PLTP: variants seen among roughly 807,000 people sequenced by gnomAD.
PLTP encodes the protein BPI fold containing family E.
In PLTP, 43 loss-of-function variants were observed where a neutral mutation model predicts 54.1. The observed-to-expected ratio is 0.79, with a 90% CI of 0.62 to 1.02. The LOEUF (loss-of-function observed/expected upper bound fraction) is 1.02. Among genes scored for constraint, PLTP ranks in the 50% least tolerant of loss-of-function variants. The pLI, the probability that PLTP is intolerant of heterozygous loss-of-function variation, is 0.00. For synonymous variants in PLTP, 263 were observed against 264.6 expected (o/e 0.99, Z 0.06); for missense variants, 604 against 645.9 (o/e 0.94, Z 0.70).
intron 2 of PLTP, 42 bp from the exon 3 acceptor site, chr20:45,911,293 T>G (rs755495973): frequency 3.1e-6 from 5 of 1,612,700 alleles, no homozygotes; most frequent in Admixed American, 1.7e-5. Flanking sequence ...CCGTGCCCAC[T>G]GTTGGGGCGA....
intron 5 of PLTP, among the ~76,000 whole-genome samples, chr20:45,908,667 T>C (rs953649026): frequency 6.6e-6 from 1 of 151,890 alleles, no homozygotes; most frequent in African/African-American, 2.4e-5. Flanking sequence ...TTGGGCATGG[T>C]GGTGCATGCC....
At chr20:45,910,956 C>T in intron 3 of PLTP, 196 bp downstream of exon 3, 1 of 1,459,682 alleles carries the variant, frequency 6.9e-7, no homozygotes, top group East Asian at 2.5e-5. Context: ...CCACGCCCAT[C>T]TGCCTGGTCC....
chr20:45,904,901 A>G (rs374414742), intron 9 of PLTP, 41 bp downstream of exon 9: 1 of 1,614,040 alleles, frequency 6.2e-7, no homozygotes, highest in African/African-American at 1.3e-5. Context: ...GCTCTGTCAC[A>G]GACCTTCTCT....
In PLTP at chr20:45,911,415, G is replaced by A. The variant is rs544323734; in HGVS notation, c.38C>T (p.Ala13Val). 19 of 1,608,014 alleles carry A rather than the reference G, an allele frequency of 1.2e-5. No individual in the cohort carries two copies. In the African/African-American group the frequency reaches 2.3e-4, roughly 19 times the overall value. Reference sequence around the variant, plus strand: ...GCCTGGGAACTCTGCATGTGCGCCTGCCAGCAGCGCTAGGAAGAGGGCCCC... The same window carrying A: ...GCCTGGGAACTCTGCATGTGCGCCTACCAGCAGCGCTAGGAAGAGGGCCCC... ...LFGALFLALLAGAHAEFPGCK... is the reference protein window; with the variant it reads ...LFGALFLALLVGAHAEFPGCK... The change falls in exon 2 of 16, where the codon GCA (alanine) becomes GTA (valine). Residue 13 changes from alanine (A) to valine (V), a missense_variant. Coordinates refer to ENST00000372431, the MANE Select transcript of PLTP (RefSeq NM_006227.4).
chr20:45,911,071 C>T, intron 3 of PLTP, 81 bp downstream of exon 3: 2 of 1,611,608 alleles, frequency 1.2e-6, no homozygotes, highest in East Asian at 2.2e-5. Context: ...CCTCCAGTCT[C>T]CCGAGACCCT....
intron 14 of PLTP, 34 bp from the exon 15 acceptor site, chr20:45,899,572 C>T (rs369406413): frequency 4.5e-5 from 72 of 1,613,930 alleles, no homozygotes; most frequent in Middle Eastern, 1.6e-4. Flanking sequence ...AGTCTGGGCC[C>T]GCCCAGTTCA....
rs748926235 is a variant in PLTP at position 45,899,024 on chromosome 20, C to T, written c.1399G>A (p.Gly467Arg). The change falls in exon 16 of 16, where the codon GGG (glycine) becomes AGG (arginine). Residue 467 changes from glycine to arginine, a missense_variant. Gly to Arg is a moderately radical substitution (Grantham distance 125). Coordinates refer to ENST00000372431, the MANE Select transcript of PLTP (RefSeq NM_006227.4). ...TIGADLHFAKGLREVIEKNRP... is the reference protein window; with the variant it reads ...TIGADLHFAKRLREVIEKNRP... ...TTCTTCTCAATCACCTCTCGCAGCC[C>T]TTTGGCAAAGTGGAGATCAGCCCCG... 1.2e-6 allele frequency: 2 copies of T among 1,614,164 alleles called. No homozygotes were observed. The highest frequency in any genetic ancestry group is 3.3e-5 in the Admixed American group (2 of 60,026).
intron 12 of PLTP, among the ~76,000 whole-genome samples, chr20:45,901,294 T>C (rs1357691097): frequency 6.6e-6 from 1 of 151,902 alleles, no homozygotes; most frequent in African/African-American, 2.4e-5. Flanking sequence ...ATGGAGAAAA[T>C]GAGGCCTAGA....
intron 8 of PLTP, 39 bp downstream of exon 8, chr20:45,906,229 T>C (rs1252413664): frequency 2.1e-6 from 3 of 1,397,878 alleles, no homozygotes; most frequent in East Asian, 2.3e-5. Context: ...GAGGTCTTGT[T>C]AGGAAGTCAG....
chr20:45,902,996 A>G (rs1218781378), intron 10 of PLTP, among the ~76,000 whole-genome samples: 1 of 147,622 alleles, frequency 6.8e-6, no homozygotes, highest in Non-Finnish European at 1.5e-5. Flanking sequence ...TCTGTCTCCC[A>G]GGTTCAGGCG....
At position 45,898,972 on chromosome 20, in the gene PLTP, G is replaced by A. The variant is rs759511693; in HGVS notation, c.1451C>T (p.Thr484Ile). 4.3e-6 allele frequency: 7 copies of A among 1,614,140 alleles called. No homozygotes were observed. The East Asian group carries it at 1.1e-4, about 26-fold the overall frequency. ...AGCTGCTGTGGACGGTGTGGGGGCA[G>A]TGGACGCCCTGACATCAGCAGGCCG... ...KNRPADVRASTAPTPSTAAV is the reference protein window; with the variant it reads ...KNRPADVRASIAPTPSTAAV Residue 484 changes from threonine (T) to isoleucine (I), a missense_variant, in exon 16 of 16, where the codon ACT becomes ATT. Coordinates refer to ENST00000372431, the MANE Select transcript of PLTP (RefSeq NM_006227.4). The surrounding 1 kb of genome is among the most constrained non-coding windows in gnomAD (Gnocchi z 4.6).
intron 12 of PLTP, among the ~76,000 whole-genome samples, chr20:45,901,899 CA>C (rs5841613): frequency 0.65 from 83,639 of 127,800 alleles, 25,275 homozygotes; most frequent in Admixed American, 0.72. Context: ...AACTCCTTCT[CA>C]AAAAAAAAAA....
In PLTP at chr20:45,899,819, C is replaced by CCCCCCCCAA; in HGVS notation, c.1218+16_1218+17insTTGGGGGGG. 6.6e-7 allele frequency: 1 copy of CCCCCCCCAA among 1,510,310 alleles called. No homozygotes were observed. Among genetic ancestry groups the CCCCCCCCAA allele is most frequent in the Non-Finnish European group, 9.0e-7 (1 of 1,110,994 alleles). 93.6% of individuals were successfully genotyped at this position (1,510,310 alleles called of 1,614,324 possible). A position where few individuals can be genotyped will look rare whatever the true frequency, so the allele number is the denominator to read the frequency against. ...TCTCACGAACCCAGCCCAGCCCACC[C>CCCCCCCCAA]ACCCTTCCCCACTCACAGCCAGCGA... On this transcript the variant is annotated intron_variant, in intron 13 of 15. Coordinates refer to ENST00000372431, the MANE Select transcript of PLTP (RefSeq NM_006227.4).
At position 45,905,961 on chromosome 20, in the gene PLTP, G is replaced by A. The variant is rs2083235077; in HGVS notation, c.705+307C>T. 2.0e-5 allele frequency among the ~76,000 whole-genome samples: 3 copies of A among 152,166 alleles called. No homozygotes were observed. The South Asian group carries it at 6.2e-4, about 31-fold the overall frequency. On this transcript the variant is annotated intron_variant, in intron 8 of 15. Transcript: ENST00000372431. ...AGAAATTTATGTCCAGCTCCTTCGGGGGAGTTGGGGAAAGGCCGTGCATGA... is the reference window on the plus strand; with the variant it reads ...AGAAATTTATGTCCAGCTCCTTCGGAGGAGTTGGGGAAAGGCCGTGCATGA...
intron 7 of PLTP, among the ~76,000 whole-genome samples, chr20:45,906,661 G>T (rs920070990): frequency 7.9e-5 from 12 of 152,004 alleles, no homozygotes; most frequent in African/African-American, 2.2e-4. Context: ...AGGTCAAGGC[G>T]GGCGGATCAC....
chr20:45,905,817 T>A (rs2083233745), intron 8 of PLTP, among the ~76,000 whole-genome samples: 1 of 152,248 alleles, frequency 6.6e-6, no homozygotes, highest in Admixed American at 6.5e-5. Context: ...ACACACTGGC[T>A]ATGTGGCCTT....
intron 7 of PLTP, among the ~76,000 whole-genome samples, chr20:45,907,161 T>A (rs2083247664): frequency 6.8e-6 from 1 of 147,318 alleles, no homozygotes; most frequent in African/African-American, 2.5e-5. Context: ...ACCCCGTCTC[T>A]ACTAAAACAC....
chr20:45,911,613 G>A (rs1442475491), intron 1 of PLTP, 150 bp from the exon 2 acceptor site: 2 of 1,072,736 alleles, frequency 1.9e-6, no homozygotes, highest in African/African-American at 3.1e-5. Flanking sequence ...CCATATGGCA[G>A]ATGTGGAAAC....
chr20:45,905,888 G>C (rs2083234422), intron 8 of PLTP, among the ~76,000 whole-genome samples: 1 of 152,202 alleles, frequency 6.6e-6, no homozygotes, highest in African/African-American at 2.4e-5. Context: ...GATGATGTTA[G>C]TACCTGACTC....
Sources: gnomAD v4.1 joint callset for allele counts (sites outside exome capture counted in the v4.1 genomes callset) on GRCh38, gnomAD v4.1.1 for gene constraint, Gnocchi (gnomAD v3.1) non-coding constraint, MANE v1.5 for transcripts, NCBI Gene and HGNC (gene_info 2026-07-23, HGNC 2026-07-21) for gene names.